Variants in LRMDA observed in about 807,000 individuals in gnomAD.
The protein encoded by LRMDA is leucine-rich melanocyte differentiation-associated protein.
Under a neutral mutation model 29.8 loss-of-function variants are expected in LRMDA, and 18 were observed. The ratio of observed to expected loss-of-function variants is 0.60; its 90% CI spans 0.42 to 0.90. The LOEUF (loss-of-function observed/expected upper bound fraction) is 0.90. LRMDA is among the 40% of genes least tolerant of loss of function. LRMDA has a pLI of 0.00. For missense variants in LRMDA, 273 were observed against 273.9 expected (o/e 1.00, Z 0.02); for synonymous variants, 125 against 109.4 (o/e 1.14, Z -0.89).
At chr10:76,137,759 A>G (rs1293344688) in intron 5 of LRMDA, among the ~76,000 whole-genome samples, 2 of 149,706 alleles carry the variant, frequency 1.3e-5, no homozygotes, top group African/African-American at 2.5e-5. Flanking sequence ...TTGAAAAAAC[A>G]CAGTCCCTAT....
intron 2 of LRMDA, among the ~76,000 whole-genome samples, chr10:75,619,297 G>T (rs1007564322): frequency 6.6e-6 from 1 of 152,108 alleles, no homozygotes; most frequent in Non-Finnish European, 1.5e-5. Context: ...CTGTATGTAT[G>T]TCTATACCCC....
chr10:75,866,822 A>C (rs948003113), intron 2 of LRMDA, among the ~76,000 whole-genome samples: 6 of 152,198 alleles, frequency 3.9e-5, no homozygotes, highest in African/African-American at 1.4e-4. Flanking sequence ...GATCTGTTTG[A>C]AGCTAACGTC....
chr10:75,815,969 A>G (rs879267261), intron 2 of LRMDA, among the ~76,000 whole-genome samples: 3 of 152,214 alleles, frequency 2.0e-5, no homozygotes, highest in Admixed American at 6.5e-5. Context: ...AGTAAGGAGC[A>G]GAACTGAAAT....
intron 5 of LRMDA, among the ~76,000 whole-genome samples, chr10:76,103,158 C>G (rs77522631): frequency 0.018 from 2,810 of 152,282 alleles, 62 homozygotes; most frequent in Non-Finnish European, 0.024. Flanking sequence ...AGTCATCTTT[C>G]TACTAGTTTC....
At chr10:75,800,659 C>G (rs1843732245) in intron 2 of LRMDA, among the ~76,000 whole-genome samples, 1 of 152,020 alleles carries the variant, frequency 6.6e-6, no homozygotes, top group Non-Finnish European at 1.5e-5. Flanking sequence ...ACTCTCTTTC[C>G]TTGAGGTTCT....
At chr10:75,523,329 A>G (rs1168136596) in intron 2 of LRMDA, among the ~76,000 whole-genome samples, 1 of 152,146 alleles carries the variant, frequency 6.6e-6, no homozygotes, top group Non-Finnish European at 1.5e-5. Context: ...CCATAACTAC[A>G]TGGTGGCTTA....
intron 5 of LRMDA, among the ~76,000 whole-genome samples, chr10:76,319,972 T>A (rs1163489525): frequency 1.3e-5 from 2 of 152,224 alleles, no homozygotes; most frequent in Non-Finnish European, 2.9e-5. Context: ...TCTCTCCTCC[T>A]GTGGTCTGTA....
chr10:75,739,531 A>C (rs974951269), intron 2 of LRMDA, among the ~76,000 whole-genome samples: 9 of 152,186 alleles, frequency 5.9e-5, no homozygotes, highest in African/African-American at 2.2e-4. Context: ...GAATGGCTAC[A>C]GCTGTTCTTG....
rs576348539 is a variant in LRMDA, at chr10:75,711,977, C to G, written c.131+273483C>G. 9.9e-5 allele frequency among the ~76,000 whole-genome samples: 15 copies of G among 151,942 alleles called. No individual in the cohort carries two copies. The South Asian group carries it at 2.9e-3, about 29-fold the overall frequency. On this transcript the variant is annotated intron_variant, in intron 2 of 6. Coordinates refer to ENST00000611255, the MANE Select transcript of LRMDA (RefSeq NM_001305581.2). ...TATATATGTATACATATATATATAA[C>G]TTGAAAAATTTCCATCCTTAGCTGG... is the stretch of plus-strand genomic sequence containing the variant.
At chr10:75,565,580 C>A (rs141148714) in intron 2 of LRMDA, among the ~76,000 whole-genome samples, 2 of 150,520 alleles carry the variant, frequency 1.3e-5, no homozygotes, top group African/African-American at 2.4e-5. Flanking sequence ...CTGAAGTATG[C>A]GAGAGAACTG....
At chr10:75,794,853 AT>A (rs2089375644) in intron 2 of LRMDA, among the ~76,000 whole-genome samples, 1 of 151,694 alleles carries the variant, frequency 6.6e-6, no homozygotes, top group Admixed American at 6.6e-5. Context: ...TTTATTTCAA[AT>A]TTTTCTTCCA....
intron 5 of LRMDA, among the ~76,000 whole-genome samples, chr10:76,307,841 T>C (rs1840577405): frequency 6.6e-6 from 1 of 152,204 alleles, no homozygotes; most frequent in Non-Finnish European, 1.5e-5. Flanking sequence ...CACCTGGATC[T>C]AACCGTATAT....
intron 5 of LRMDA, among the ~76,000 whole-genome samples, chr10:76,175,800 G>A (rs1335361851): frequency 6.6e-6 from 1 of 152,206 alleles, no homozygotes; most frequent in Non-Finnish European, 1.5e-5. Context: ...TTAGAGATGC[G>A]CCCAGTTGGG....
chr10:75,660,605 G>T (rs1227988371), intron 2 of LRMDA, among the ~76,000 whole-genome samples: 2 of 152,050 alleles, frequency 1.3e-5, no homozygotes, highest in African/African-American at 4.8e-5. Context: ...ATGAGTTGCA[G>T]CCACTTTACA....
intron 2 of LRMDA, among the ~76,000 whole-genome samples, chr10:75,993,732 C>CA (rs111967250): frequency 0.15 from 20,272 of 132,880 alleles, 1,878 homozygotes; most frequent in Middle Eastern, 0.24. Context: ...GACTTCATCT[C>CA]AAAAAAAAAA....
At chr10:76,106,484 A>G (rs1849486753) in intron 5 of LRMDA, among the ~76,000 whole-genome samples, 1 of 152,076 alleles carries the variant, frequency 6.6e-6, no homozygotes, top group Admixed American at 6.5e-5. Context: ...TCCCTGTATC[A>G]TTTCCCCATT....
chr10:76,311,811 G>A (rs1840633233), intron 5 of LRMDA, among the ~76,000 whole-genome samples: 1 of 152,210 alleles, frequency 6.6e-6, no homozygotes, highest in South Asian at 2.1e-4. Flanking sequence ...ATATAAATAA[G>A]AAGCTAAGCA....
At chr10:75,859,755 C>A (rs1844890908) in intron 2 of LRMDA, among the ~76,000 whole-genome samples, 1 of 152,000 alleles carries the variant, frequency 6.6e-6, no homozygotes, top group African/African-American at 2.4e-5. Context: ...TTGATGCTGT[C>A]AAATAAACAG....
intron 4 of LRMDA, among the ~76,000 whole-genome samples, chr10:76,051,065 T>TGGA (rs539356469): frequency 1.4e-3 from 212 of 152,334 alleles, no homozygotes; most frequent in African/African-American, 4.7e-3. Context: ...TTCCCCTGCA[T>TGGA]GGAGCAGCCC....
Sources: allele counts gnomAD v4.1 joint callset (sites outside exome capture counted in the v4.1 genomes callset), GRCh38; gene constraint gnomAD v4.1.1; transcripts MANE v1.5; gene names NCBI Gene and HGNC (gene_info 2026-07-23, HGNC 2026-07-21).